Variants in ERG observed in about 807,000 individuals in gnomAD.
The protein encoded by ERG is ETS transcription factor ERG.
Under a neutral mutation model 55.3 loss-of-function variants are expected in ERG, and 9 were observed. The observed-to-expected ratio is 0.16, with a 90% CI of 0.10 to 0.28. The LOEUF (loss-of-function observed/expected upper bound fraction) is 0.28. Among genes scored for constraint, ERG ranks in the 10% least tolerant of loss-of-function variants. The pLI is 1.00. For missense variants in ERG, 434 were observed against 631.6 expected (o/e 0.69, Z 3.35); for synonymous variants, 223 against 237.3 (o/e 0.94, Z 0.55).
chr21:38,384,644 T>C (rs1206752415), intron 9 of ERG, among the ~76,000 whole-genome samples: 1 of 152,206 alleles, frequency 6.6e-6, no homozygotes, highest in African/African-American at 2.4e-5. Context: ...ATGCCATTTA[T>C]ATTGGCTAGG....
At chr21:38,641,334 C>A (rs1244035590) in intron 1 of ERG, among the ~76,000 whole-genome samples, 2 of 152,206 alleles carry the variant, frequency 1.3e-5, no homozygotes, top group African/African-American at 4.8e-5. Flanking sequence ...CATCTATGAA[C>A]CAGAAAATGG....
chr21:38,429,862 T>C (rs1434989977), intron 2 of ERG, among the ~76,000 whole-genome samples: 1 of 152,154 alleles, frequency 6.6e-6, no homozygotes, highest in Admixed American at 6.5e-5. Flanking sequence ...CATGCGCAAG[T>C]GTCTTTTTCA....
At chr21:38,421,522 C>A (rs1021696124) in intron 3 of ERG, among the ~76,000 whole-genome samples, 1 of 152,310 alleles carries the variant, frequency 6.6e-6, no homozygotes, top group Middle Eastern at 3.4e-3. Context: ...GGGCATGATC[C>A]AACTCAGGTA....
chr21:38,547,178 A>C lies in ERG; in HGVS notation c.-41+28484T>G, dbSNP rs538070644. The stretch of plus-strand genomic sequence containing the variant: ...GAGCCAGGTCACCCTAAAGTGCTAC[A>C]TGAAAAGTCATGGATTTTTTTTCTA... On this transcript the variant is annotated intron_variant, in intron 2 of 8. Coordinates refer to the ERG transcript ENST00000398897. Among the ~76,000 whole-genome samples the C allele has an allele frequency of 1.1e-4, 17 of 152,360 alleles. No individual in the cohort carries two copies. In the South Asian group the frequency reaches 3.5e-3, roughly 32 times the overall value.
chr21:38,634,645 A>G (rs1568963776), intron 1 of ERG, among the ~76,000 whole-genome samples: 3 of 152,244 alleles, frequency 2.0e-5, no homozygotes, highest in Admixed American at 6.5e-5. Context: ...ACTGACTTCC[A>G]TGTTGCCTGC....
In ERG at chr21:38,653,617, G is replaced by A. The variant is rs556313363; in HGVS notation, c.-150+8041C>T. Among the ~76,000 whole-genome samples the A allele has an allele frequency of 3.9e-5, 6 of 152,300 alleles. No individual in the cohort carries two copies. The South Asian group carries it at 8.3e-4, about 21-fold the overall frequency. ...TGTTTACCTGTTAACACAACTCATG[G>A]AAGAGAGAAAAATTCAAGCATGCCA... On this transcript the variant is annotated intron_variant, in intron 1 of 10. Coordinates refer to the ERG transcript ENST00000398910.
chr21:38,475,792 A>T (rs183958013), intron 1 of ERG, among the ~76,000 whole-genome samples: 1 of 152,138 alleles, frequency 6.6e-6, no homozygotes, highest in East Asian at 1.9e-4. Flanking sequence ...CATCCCCCTG[A>T]TTGACAGCAC....
chr21:38,458,319 T>C (rs139667243), intron 1 of ERG, among the ~76,000 whole-genome samples: 1 of 150,928 alleles, frequency 6.6e-6, no homozygotes, highest in East Asian at 2.0e-4. Context: ...AGCTACTCGG[T>C]AGGCCGAGGC....
chr21:38,520,243 T>C (rs971236307), intron 2 of ERG, among the ~76,000 whole-genome samples: 1 of 152,152 alleles, frequency 6.6e-6, no homozygotes, highest in Admixed American at 6.5e-5. Context: ...TTCTTGTCCC[T>C]TGGGAAGAGC....
At chr21:38,548,791 A>T (rs1231818348) in intron 2 of ERG, among the ~76,000 whole-genome samples, 1 of 148,838 alleles carries the variant, frequency 6.7e-6, no homozygotes, top group Non-Finnish European at 1.5e-5. Context: ...AGAGAAACTG[A>T]ACAGTTATTT....
At chr21:38,448,633 C>CA (rs1179676186) in intron 1 of ERG, among the ~76,000 whole-genome samples, 1 of 152,186 alleles carries the variant, frequency 6.6e-6, no homozygotes, top group Non-Finnish European at 1.5e-5. Flanking sequence ...GGGGTTTTCA[C>CA]AGACCCATTC....
chr21:38,585,462 A>G (rs2060056361), upstream of ERG, among the ~76,000 whole-genome samples: 1 of 150,864 alleles, frequency 6.6e-6, no homozygotes, highest in Non-Finnish European at 1.5e-5. Context: ...AGCTAAAAAG[A>G]TAGAAAGAAA....
chr21:38,437,402 A>T (rs1463923213), intron 2 of ERG, among the ~76,000 whole-genome samples: 1 of 152,202 alleles, frequency 6.6e-6, no homozygotes, highest in African/African-American at 2.4e-5. Flanking sequence ...CCCACCAGAC[A>T]CCAGTAACAC....
chr21:38,568,695 C>A (rs62217460), intron 2 of ERG, among the ~76,000 whole-genome samples: 10,546 of 152,194 alleles, frequency 0.069, 404 homozygotes, highest in African/African-American at 0.11. Context: ...CAAAATCTTA[C>A]GGAGCAGTAT....
At chr21:38,528,652 G>A (rs2059649785) in intron 2 of ERG, among the ~76,000 whole-genome samples, 1 of 47,540 alleles carries the variant, frequency 2.1e-5, no homozygotes, top group Non-Finnish European at 6.1e-5. Context: ...GTTTCACCTT[G>A]TTAGCCAGGA....
At chr21:38,607,051 TAA>T (rs1366680164) in intron 1 of ERG, among the ~76,000 whole-genome samples, 1 of 151,950 alleles carries the variant, frequency 6.6e-6, no homozygotes, top group East Asian at 1.9e-4. Flanking sequence ...GAGAATAGAA[TAA>T]AGATTATCTA....
At chr21:38,589,565 C>G (rs928867893), upstream of ERG, among the ~76,000 whole-genome samples, 4 of 152,166 alleles carry the variant, frequency 2.6e-5, no homozygotes, top group Non-Finnish European at 5.9e-5. Context: ...TAATTCTGGT[C>G]AGTCTAACAC....
intron 1 of ERG, chr21:38,470,780 T>C (rs1002888137): frequency 6.6e-6 from 1 of 152,250 alleles, no homozygotes; most frequent in East Asian, 1.9e-4. Flanking sequence ...ATTTATTTTT[T>C]CCAAGAGTCT....
chr21:38,567,955 A>G (rs2059933347), intron 2 of ERG, among the ~76,000 whole-genome samples: 1 of 152,224 alleles, frequency 6.6e-6, no homozygotes, highest in Admixed American at 6.5e-5. Context: ...AAACAGACAC[A>G]GAGTTTAAGT....
Sources: gnomAD v4.1 joint callset for allele counts (sites outside exome capture counted in the v4.1 genomes callset) on GRCh38, gnomAD v4.1.1 for gene constraint, MANE v1.5 for transcripts, NCBI Gene and HGNC (gene_info 2026-07-23, HGNC 2026-07-21) for gene names.